Variants in PRR5L observed in about 807,000 individuals in gnomAD.
PRR5L encodes proline-rich protein 5-like.
In PRR5L, 21 loss-of-function variants were observed where a neutral mutation model predicts 36.4. That is an observed-to-expected ratio of 0.58 (90% CI 0.41 to 0.83). The LOEUF (loss-of-function observed/expected upper bound fraction) is 0.83. Among genes scored for constraint, PRR5L ranks in the 40% least tolerant of loss-of-function variants. The pLI is 0.00. For synonymous variants in PRR5L, 188 were observed against 197.0 expected (o/e 0.95, Z 0.38); for missense variants, 381 against 473.3 (o/e 0.80, Z 1.81).
intron 1 of PRR5L, among the ~76,000 whole-genome samples, chr11:36,395,219 A>G (rs554457238): frequency 5.8e-4 from 88 of 152,360 alleles, no homozygotes; most frequent in African/African-American, 2.1e-3. Flanking sequence ...GACTGGTTAA[A>G]TAAAATGTAA....
At chr11:36,343,992 G>C (rs780848529) in intron 1 of PRR5L, among the ~76,000 whole-genome samples, 1 of 151,936 alleles carries the variant, frequency 6.6e-6, no homozygotes, top group African/African-American at 2.4e-5. Flanking sequence ...CGAGGCGGGT[G>C]GATCACCTGA....
intron 1 of PRR5L, among the ~76,000 whole-genome samples, chr11:36,390,963 A>T (rs1374128235): frequency 6.6e-6 from 1 of 152,178 alleles, no homozygotes; most frequent in African/African-American, 2.4e-5. Flanking sequence ...GTGGAAGGAC[A>T]TTGGGTCATT....
intron 1 of PRR5L, among the ~76,000 whole-genome samples, chr11:36,399,116 T>C (rs1420581547): frequency 6.6e-6 from 1 of 152,176 alleles, no homozygotes; most frequent in African/African-American, 2.4e-5. Context: ...ACCTCATTTT[T>C]TGGTTTGTGT....
At chr11:36,458,933 C>CA (rs1859120940) in intron 8 of PRR5L, among the ~76,000 whole-genome samples, 1 of 152,184 alleles carries the variant, frequency 6.6e-6, no homozygotes, top group Non-Finnish European at 1.5e-5. Flanking sequence ...TTCAGGGTGT[C>CA]AGAGATATGG....
chr11:36,386,090 G>T (rs1857451762), intron 1 of PRR5L, among the ~76,000 whole-genome samples: 1 of 152,170 alleles, frequency 6.6e-6, no homozygotes, highest in Admixed American at 6.5e-5. Context: ...GAGGCCAGGA[G>T]TTCAAGACTA....
chr11:36,343,656 A>T (rs1376217149), intron 1 of PRR5L, among the ~76,000 whole-genome samples: 1 of 152,192 alleles, frequency 6.6e-6, no homozygotes. Flanking sequence ...AGAGCAGCTA[A>T]CTTTCACCCA....
chr11:36,416,455 A>G (rs986392457), intron 3 of PRR5L, among the ~76,000 whole-genome samples: 2 of 152,194 alleles, frequency 1.3e-5, no homozygotes, highest in South Asian at 2.1e-4. Context: ...CATTTAAAGT[A>G]TATAAAGCAG....
intron 1 of PRR5L, among the ~76,000 whole-genome samples, chr11:36,341,212 CAG>C (rs1457525987): frequency 6.6e-6 from 1 of 152,146 alleles, no homozygotes; most frequent in African/African-American, 2.4e-5. Flanking sequence ...GCCTGTCACA[CAG>C]AGAGAGATTA....
intron 4 of PRR5L, among the ~76,000 whole-genome samples, chr11:36,424,826 G>GTT (rs74457355): frequency 4.2e-5 from 6 of 143,224 alleles, no homozygotes; most frequent in African/African-American, 5.1e-5. Context: ...CAAGTGATCT[G>GTT]TTTTTTTTTT....
Position 36,325,338 on chromosome 11 carries a change from AGTCAGCGGCAG to A in PRR5L, c.-126+28904_-126+28914del, listed in dbSNP as rs529950878. Among the ~76,000 whole-genome samples, 7 of 152,374 alleles carry A rather than the reference AGTCAGCGGCAG, an allele frequency of 4.6e-5. No individual in the cohort carries two copies. The South Asian group carries it at 1.4e-3, about 32-fold the overall frequency. ...ACCCTGCTGGATCTGGAGGGTTGGA[AGTCAGCGGCAG>A]GTCTGCCACGGTAGCAAACGGCAGT... On this transcript the variant is annotated intron_variant, in intron 1 of 8. Transcript: ENST00000530639.
At chr11:36,386,615 C>T (rs533934035) in intron 1 of PRR5L, 2 of 152,400 alleles carry the variant, frequency 1.3e-5, no homozygotes, top group Admixed American at 6.5e-5. Context: ...TTTAATCTCT[C>T]GGCTCTGTGT....
intron 3 of PRR5L, among the ~76,000 whole-genome samples, chr11:36,411,886 G>A (rs965537705): frequency 6.6e-6 from 1 of 152,228 alleles, no homozygotes; most frequent in African/African-American, 2.4e-5. Context: ...CTTGTAGGAA[G>A]ATGCGAGAAG....
chr11:36,385,867 G>A (rs1857448373), intron 1 of PRR5L, among the ~76,000 whole-genome samples: 1 of 152,214 alleles, frequency 6.6e-6, no homozygotes, highest in African/African-American at 2.4e-5. Flanking sequence ...ATGTGGTCCA[G>A]GTCTACGTCC....
At position 36,350,673 on chromosome 11, in the gene PRR5L, C is replaced by A. The variant is rs1215970018; in HGVS notation, c.-125-50324C>A. On this transcript the variant is annotated intron_variant, in intron 1 of 8. Transcript: ENST00000530639. ...GTACACTGTACCCAATGTGTATAGT[C>A]TTTTATCCTTCACCACCCTCCCACC... Among the ~76,000 whole-genome samples the A allele has an allele frequency of 2.0e-5, 3 of 151,554 alleles. No individual in the cohort carries two copies. In the East Asian group the frequency reaches 5.8e-4, roughly 29 times the overall value.
intron 4 of PRR5L, among the ~76,000 whole-genome samples, chr11:36,426,906 C>G (rs567089956): frequency 3.9e-5 from 6 of 152,180 alleles, no homozygotes; most frequent in Non-Finnish European, 8.8e-5. Context: ...CTGTACCTAG[C>G]CTTCTTGGTT....
At chr11:36,424,513 G>A (rs1488692232) in intron 4 of PRR5L, among the ~76,000 whole-genome samples, 1 of 152,236 alleles carries the variant, frequency 6.6e-6, no homozygotes, top group Non-Finnish European at 1.5e-5. Context: ...TATTAAAATA[G>A]TGGAAACACT....
chr11:36,325,691 C>T (rs114399094), intron 1 of PRR5L, among the ~76,000 whole-genome samples: 1 of 152,064 alleles, frequency 6.6e-6, no homozygotes, highest in Non-Finnish European at 1.5e-5. Flanking sequence ...GGTGGATGCC[C>T]TCACCTTCCC....
chr11:36,426,353 A>G (rs981067246), intron 4 of PRR5L, among the ~76,000 whole-genome samples: 1 of 152,208 alleles, frequency 6.6e-6, no homozygotes, highest in Non-Finnish European at 1.5e-5. Context: ...TTGTTAGAAC[A>G]CTTACCTCAG....
At chr11:36,359,201 G>A (rs940089577) in intron 1 of PRR5L, among the ~76,000 whole-genome samples, 1 of 152,160 alleles carries the variant, frequency 6.6e-6, no homozygotes, top group Non-Finnish European at 1.5e-5. Context: ...AAAGATCCAG[G>A]GGTCCTTTGT....
Sources: gnomAD v4.1 joint callset for allele counts (sites outside exome capture counted in the v4.1 genomes callset) on GRCh38, gnomAD v4.1.1 for gene constraint, MANE v1.5 for transcripts, NCBI Gene and HGNC (gene_info 2026-07-23, HGNC 2026-07-21) for gene names.